Variants in MDGA2 observed in about 807,000 individuals in gnomAD.
MDGA2 encodes the protein MAM domain-containing glycosylphosphatidylinositol anchor protein 2.
Under a neutral mutation model 117.8 loss-of-function variants are expected in MDGA2, and 40 were observed. The observed-to-expected ratio is 0.34, with a 90% CI of 0.26 to 0.44. The LOEUF (loss-of-function observed/expected upper bound fraction) is 0.44, where lower values mean the gene tolerates loss of function less well. Ranked by LOEUF, MDGA2 falls within the 20% of genes least tolerant of loss-of-function variation. The pLI is 1.00. For synonymous variants in MDGA2, 452 were observed against 439.0 expected, an observed-to-expected ratio of 1.03 and a Z score of -0.37; for missense variants, 1,123 against 1,250.6, an observed-to-expected ratio of 0.90 and a Z score of 1.54.
At chr14:47,179,729 AAATT>A (rs1274613615) in intron 3 of MDGA2, among the ~76,000 whole-genome samples, 1 of 152,152 alleles carries the variant, frequency 6.6e-6, no homozygotes, top group African/African-American at 2.4e-5. Context: ...CAATTATAAA[AAATT>A]AATTATCAAA....
chr14:47,608,332 ACAGACAT>A (rs1313678333), intron 1 of MDGA2, among the ~76,000 whole-genome samples: 1 of 152,148 alleles, frequency 6.6e-6, no homozygotes, highest in African/African-American at 2.4e-5. Flanking sequence ...TGATCCTCAG[ACAGACAT>A]CAGTAAGGCA....
At chr14:47,059,347 G>T in intron 7 of MDGA2, 1 of 1,270,546 alleles carries the variant, frequency 7.9e-7, no homozygotes, top group Non-Finnish European at 1.0e-6. Context: ...TTTGGAAGAA[G>T]TCAATATATT....
chr14:47,664,730 G>C (rs777010567), intron 1 of MDGA2, among the ~76,000 whole-genome samples: 1 of 152,168 alleles, frequency 6.6e-6, no homozygotes, highest in Non-Finnish European at 1.5e-5. Flanking sequence ...CTGTACATTC[G>C]TAAAGAACGA....
chr14:47,112,327 T>C (rs2139061235), intron 5 of MDGA2, among the ~76,000 whole-genome samples: 2 of 152,300 alleles, frequency 1.3e-5, no homozygotes, highest in South Asian at 4.1e-4. Flanking sequence ...GGTGGTTTTC[T>C]GCACCTATAA....
At chr14:47,274,648 T>C (rs1888254408) in intron 2 of MDGA2, among the ~76,000 whole-genome samples, 1 of 152,176 alleles carries the variant, frequency 6.6e-6, no homozygotes, top group Admixed American at 6.6e-5. Flanking sequence ...TGAGGAATTC[T>C]CAAATAGTTC....
intron 3 of MDGA2, among the ~76,000 whole-genome samples, chr14:47,175,548 C>T (rs914222650): frequency 4.6e-5 from 7 of 151,608 alleles, no homozygotes; most frequent in African/African-American, 1.7e-4. Context: ...AAGACAAAAA[C>T]CACATGATTA....
At chr14:47,315,953 A>C (rs1889797254) in intron 1 of MDGA2, among the ~76,000 whole-genome samples, 1 of 151,786 alleles carries the variant, frequency 6.6e-6, no homozygotes, top group Non-Finnish European at 1.5e-5. Context: ...AAAAACAAAC[A>C]AAAAAAACTT....
intron 10 of MDGA2, among the ~76,000 whole-genome samples, chr14:46,897,231 C>T (rs528072100): frequency 6.6e-6 from 1 of 152,224 alleles, no homozygotes; most frequent in South Asian, 2.1e-4. Flanking sequence ...TATCACTCTC[C>T]ACTGAAGTGT....
intron 3 of MDGA2, among the ~76,000 whole-genome samples, chr14:47,171,018 TAATA>T (rs1190400241): frequency 1.3e-5 from 2 of 152,314 alleles, no homozygotes; most frequent in East Asian, 3.9e-4. Flanking sequence ...GATATTGGCT[TAATA>T]AATATAGGCT....
At chr14:47,145,540 T>G (rs76740292) in intron 3 of MDGA2, among the ~76,000 whole-genome samples, 4,241 of 152,278 alleles carry the variant, frequency 0.028, 177 homozygotes, top group African/African-American at 0.097. Flanking sequence ...TAGTATAAAC[T>G]TAGTATATAC....
At chr14:47,306,946 T>G (rs1176552950) in intron 1 of MDGA2, among the ~76,000 whole-genome samples, 1 of 152,060 alleles carries the variant, frequency 6.6e-6, no homozygotes, top group Non-Finnish European at 1.5e-5. Context: ...TATGTATTAC[T>G]TATACCATTC....
intron 9 of MDGA2, among the ~76,000 whole-genome samples, chr14:46,955,692 G>A (rs927341179): frequency 6.6e-6 from 1 of 152,104 alleles, no homozygotes; most frequent in Admixed American, 6.6e-5. Flanking sequence ...GCTAATACAG[G>A]TATAGACGTC....
At chr14:46,927,556 A>G (rs1884379158) in intron 9 of MDGA2, among the ~76,000 whole-genome samples, 1 of 152,180 alleles carries the variant, frequency 6.6e-6, no homozygotes, top group Admixed American at 6.6e-5. Context: ...CAGGAAATAA[A>G]AACATAACAA....
chr14:47,391,114 GAC>G (rs2138437977), intron 1 of MDGA2, among the ~76,000 whole-genome samples: 1 of 152,222 alleles, frequency 6.6e-6, no homozygotes, highest in Admixed American at 6.6e-5. Flanking sequence ...TCTCTTGGCA[GAC>G]ACATAATAAC....
chr14:46,974,822 T>C (rs1476000222), intron 8 of MDGA2, among the ~76,000 whole-genome samples: 4 of 152,134 alleles, frequency 2.6e-5, no homozygotes, highest in African/African-American at 9.7e-5. Flanking sequence ...ATTTTTTGGG[T>C]ATGACACTAA....
At chr14:47,526,683 T>C (rs1566498852) in intron 1 of MDGA2, among the ~76,000 whole-genome samples, 1 of 152,068 alleles carries the variant, frequency 6.6e-6, no homozygotes. Context: ...CTACTGCATA[T>C]TATTTCTGGT....
At chr14:47,576,048 C>T (rs919696950) in intron 1 of MDGA2, among the ~76,000 whole-genome samples, 4 of 152,108 alleles carry the variant, frequency 2.6e-5, no homozygotes, top group Non-Finnish European at 5.9e-5. Context: ...TTAACCCCAA[C>T]TCCAGTTTCC....
chr14:47,179,966 T>G (rs1884632319), intron 3 of MDGA2, among the ~76,000 whole-genome samples: 1 of 152,130 alleles, frequency 6.6e-6, no homozygotes, highest in Non-Finnish European at 1.5e-5. Context: ...TATATCTTAA[T>G]GTGTTCTAAT....
chr14:47,324,430 C>T (rs778428752), intron 1 of MDGA2, among the ~76,000 whole-genome samples: 2 of 152,096 alleles, frequency 1.3e-5, no homozygotes, highest in Admixed American at 6.6e-5. Flanking sequence ...CTGAAAATAT[C>T]AAAGTTACCT....
Sources: gnomAD v4.1 joint callset for allele counts (sites outside exome capture counted in the v4.1 genomes callset) on GRCh38, gnomAD v4.1.1 for gene constraint, MANE v1.5 for transcripts, NCBI Gene and HGNC (gene_info 2026-07-23, HGNC 2026-07-21) for gene names.